HIVEP2: variants seen among roughly 807,000 people sequenced by gnomAD.
HIVEP2 encodes HIVEP zinc finger 2, also known as transcription factor HIVEP2.
A neutral mutation model predicts 180.7 loss-of-function variants in HIVEP2; 14 were observed. That is an observed-to-expected ratio of 0.08 (90% CI 0.05 to 0.12). The LOEUF is 0.12. HIVEP2 is among the 10% of genes least tolerant of loss of function. HIVEP2 has a pLI of 1.00. For missense variants in HIVEP2, 2,579 were observed against 3,008.5 expected, an observed-to-expected ratio of 0.86 and a Z score of 3.34; for synonymous variants, 1,184 against 1,136.4, an observed-to-expected ratio of 1.04 and a Z score of -0.84.
intron 1 of HIVEP2, among the ~76,000 whole-genome samples, chr6:142,921,270 G>A (rs1469965726): frequency 6.6e-6 from 1 of 152,242 alleles, no homozygotes; most frequent in Non-Finnish European, 1.5e-5. Context: ...GGCTGCGCAA[G>A]GTGGCTCATG....
chr6:142,917,526 C>G (rs1364042614), intron 1 of HIVEP2, among the ~76,000 whole-genome samples: 2 of 152,122 alleles, frequency 1.3e-5, no homozygotes, highest in Admixed American at 1.3e-4. Context: ...AAAAATATAA[C>G]ACATATTTCT....
intron 1 of HIVEP2, among the ~76,000 whole-genome samples, chr6:142,922,241 G>A (rs1184277122): frequency 6.6e-6 from 1 of 152,176 alleles, no homozygotes; most frequent in Admixed American, 6.5e-5. Context: ...AGGCAGCTGA[G>A]GGAATGTTCC....
intron 1 of HIVEP2, among the ~76,000 whole-genome samples, chr6:142,849,512 T>C (rs1048372175): frequency 1.5e-5 from 2 of 130,480 alleles, no homozygotes; most frequent in East Asian, 4.6e-4. Context: ...ATTCTTTATT[T>C]ATTTATTTTT....
intron 1 of HIVEP2, among the ~76,000 whole-genome samples, chr6:142,927,434 ATAAC>A (rs1777845461): frequency 6.6e-6 from 1 of 152,190 alleles, no homozygotes; most frequent in African/African-American, 2.4e-5. Context: ...AATTCCGTAA[ATAAC>A]TGTCAGACAT....
intron 1 of HIVEP2, among the ~76,000 whole-genome samples, chr6:142,925,361 T>C (rs1271813723): frequency 2.0e-5 from 3 of 152,204 alleles, no homozygotes; most frequent in Non-Finnish European, 4.4e-5. Flanking sequence ...CAACCTTCCC[T>C]CTATTCTTAA....
At position 142,928,948 on chromosome 6, in the gene HIVEP2, T is replaced by C. The variant is rs541075238; in HGVS notation, c.-641+16151A>G. ...GCTTTATTTACTTGGCTTCCCAAAC[T>C]GTATCAAATGATTCTTGACTGTAAA... On this transcript the variant is annotated intron_variant, in intron 1 of 9. Coordinates refer to ENST00000367603, the MANE Select transcript of HIVEP2 (RefSeq NM_006734.4). Among the ~76,000 whole-genome samples, 16 of 152,340 alleles carry C rather than the reference T, an allele frequency of 1.1e-4. No individual in the cohort carries two copies. In the East Asian group the frequency reaches 2.7e-3, roughly 26 times the overall value.
intron 9 of HIVEP2, among the ~76,000 whole-genome samples, chr6:142,755,808 G>A (rs1775050545): frequency 6.6e-6 from 1 of 152,268 alleles, no homozygotes; most frequent in South Asian, 2.1e-4. Flanking sequence ...ACAGAGCTAC[G>A]TGTACAAGTA....
At chr6:142,854,182 C>A (rs928640404) in intron 1 of HIVEP2, among the ~76,000 whole-genome samples, 2 of 152,082 alleles carry the variant, frequency 1.3e-5, no homozygotes, top group African/African-American at 4.8e-5. Flanking sequence ...GATTCTGCCC[C>A]CTTAAGAGAC....
chr6:142,862,564 G>A (rs1211515501), intron 1 of HIVEP2, among the ~76,000 whole-genome samples: 1 of 145,072 alleles, frequency 6.9e-6, no homozygotes, highest in Non-Finnish European at 1.5e-5. Flanking sequence ...ACACATAATC[G>A]ATTATGTGTA....
intron 1 of HIVEP2, among the ~76,000 whole-genome samples, chr6:142,895,688 G>A (rs1475105658): frequency 6.6e-6 from 1 of 152,020 alleles, no homozygotes; most frequent in Non-Finnish European, 1.5e-5. Context: ...CACAATATGG[G>A]GCATTTTATG....
Position 142,770,751 on chromosome 6 carries a change from G to C in HIVEP2, c.3988C>G (p.Pro1330Ala). The change falls in exon 5 of 10, where the codon CCA (proline) becomes GCA (alanine). Residue 1330 changes from proline (P) to alanine (A), a missense_variant. Physicochemically the swap from Pro to Ala is conservative, Grantham distance 27. Around this residue, in one of 11 missense-constraint regions of HIVEP2, gnomAD observed 523 missense variants for 577.0 expected, o/e 0.91. Transcript: ENST00000367603. This position sits in a 1 kb window ranked among gnomAD's most constrained non-coding sequence, Gnocchi z 4.7. ...ATCCGAACAGGAACCACTGTTCCTG[G>C]GAGGGACTGCAAAGACCCAGCATTT... is the stretch of plus-strand genomic sequence containing the variant. ...SANAGSLQSL[P>A]GTVVPVRIQT... 3 of 1,614,170 alleles carry C rather than the reference G, an allele frequency of 1.9e-6. No individual in the cohort carries two copies. The South Asian group carries it at 3.3e-5, about 18-fold the overall frequency.
At chr6:142,883,679 T>C (rs894266342) in intron 1 of HIVEP2, among the ~76,000 whole-genome samples, 3 of 152,128 alleles carry the variant, frequency 2.0e-5, no homozygotes, top group African/African-American at 7.2e-5. Context: ...GTGATGCTTA[T>C]GAAAGTAAAG....
At chr6:142,849,588 C>T (rs138731332) in intron 1 of HIVEP2, among the ~76,000 whole-genome samples, 1,566 of 152,022 alleles carry the variant, frequency 0.01, 12 homozygotes, top group Non-Finnish European at 0.018. Flanking sequence ...GATCAAGGCT[C>T]ATTGCAGCCT....
Position 142,768,494 on chromosome 6 carries a change from T to C in HIVEP2, c.5230A>G (p.Arg1744Gly). 6.2e-7 allele frequency: 1 copy of C among 1,613,482 alleles called. No individual in the cohort carries two copies. ...TTTAAGATATTTCCCACTAGTTTCC[T>C]TTCTAGTTTGCTGCCAAATAAAAAG... ...ASFLFGSKLE[R>G]KLVGNILKER... is the part of the protein sequence containing the mutation. The change falls in exon 6 of 10, where the codon AGG becomes GGG. Residue 1744 changes from arginine to glycine, a missense_variant. This residue lies in a region of HIVEP2 where 349 missense variants were observed against 367.2 expected (regional missense o/e 0.95). Coordinates refer to ENST00000367603, the MANE Select transcript of HIVEP2 (RefSeq NM_006734.4).
chr6:142,933,767 G>T (rs1054682171), intron 1 of HIVEP2, among the ~76,000 whole-genome samples: 4 of 152,148 alleles, frequency 2.6e-5, no homozygotes, highest in African/African-American at 9.7e-5. Context: ...TATACTGTCA[G>T]ATTATTATTT....
chr6:142,882,391 A>G (rs13211716), intron 1 of HIVEP2, among the ~76,000 whole-genome samples: 35,280 of 152,034 alleles, frequency 0.23, 4,966 homozygotes, highest in East Asian at 0.35. Context: ...TGAGAGGATC[A>G]CTTGAGGCCA....
chr6:142,888,622 T>A (rs934264365), intron 1 of HIVEP2, among the ~76,000 whole-genome samples: 10 of 152,188 alleles, frequency 6.6e-5, no homozygotes, highest in African/African-American at 2.4e-4. Flanking sequence ...CACATACATA[T>A]TCAACCTTTC....
chr6:142,843,026 C>T (rs1775408604), intron 1 of HIVEP2, among the ~76,000 whole-genome samples: 1 of 152,144 alleles, frequency 6.6e-6, no homozygotes, highest in African/African-American at 2.4e-5. Context: ...AACACTTGCA[C>T]GAAGGGAAAG....
chr6:142,801,406 T>C, intron 2 of HIVEP2, among the ~76,000 whole-genome samples: 2 of 94,910 alleles, frequency 2.1e-5, no homozygotes, highest in African/African-American at 3.9e-5. Flanking sequence ...AGAGTGAGAC[T>C]CTGTCTCAAA....
Sources: gnomAD v4.1 joint callset for allele counts (sites outside exome capture counted in the v4.1 genomes callset) on GRCh38, gnomAD v4.1.1 for gene constraint, gnomAD v4.1.1 regional missense constraint, Gnocchi (gnomAD v3.1) non-coding constraint, MANE v1.5 for transcripts, NCBI Gene and HGNC (gene_info 2026-07-23, HGNC 2026-07-21) for gene names.